The following KCNH1 variants were observed in gnomAD, a reference collection of about 807,000 sequenced individuals.
KCNH1 encodes the protein voltage-gated delayed rectifier potassium channel KCNH1.
In KCNH1, 27 loss-of-function variants were observed where a neutral mutation model predicts 69.2. The ratio of observed to expected loss-of-function variants is 0.39; its 90% CI spans 0.29 to 0.54. KCNH1 has a LOEUF of 0.54. Among genes scored for constraint, KCNH1 ranks in the 20% least tolerant of loss-of-function variants. The pLI is 0.68. For synonymous variants in KCNH1, 456 were observed against 487.7 expected, an observed-to-expected ratio of 0.93 and a Z score of 0.86; for missense variants, 798 against 1,261.6, an observed-to-expected ratio of 0.63 and a Z score of 5.57.
At chr1:211,126,379 G>A (rs1299121903) in intron 1 of KCNH1, among the ~76,000 whole-genome samples, 2 of 151,994 alleles carry the variant, frequency 1.3e-5, no homozygotes, top group African/African-American at 2.4e-5. Flanking sequence ...GCATGGTGGC[G>A]GGCTCCTGTA....
At chr1:210,998,887 A>T (rs762889904) in intron 6 of KCNH1, among the ~76,000 whole-genome samples, 1 of 152,214 alleles carries the variant, frequency 6.6e-6, no homozygotes, top group African/African-American at 2.4e-5. Flanking sequence ...CTACATGGAA[A>T]CTGAACAACC....
chr1:210,888,776 G>C (rs570778209), intron 7 of KCNH1, among the ~76,000 whole-genome samples: 1 of 152,056 alleles, frequency 6.6e-6, no homozygotes, highest in Non-Finnish European at 1.5e-5. Context: ...TACTATAAAC[G>C]CCTCTATGCG....
intron 7 of KCNH1, chr1:210,860,169 G>C (rs1233804524): frequency 1.1e-4 from 134 of 1,167,418 alleles, no homozygotes; most frequent in Non-Finnish European, 1.5e-4. Flanking sequence ...GAAGTGTCTT[G>C]GTATCAACTG....
chr1:210,920,967 T>C (rs1461835635), intron 6 of KCNH1, among the ~76,000 whole-genome samples: 1 of 152,168 alleles, frequency 6.6e-6, no homozygotes, highest in African/African-American at 2.4e-5. Flanking sequence ...ATAGTAGTTA[T>C]CTAGGGAACA....
chr1:211,038,302 T>C (rs986483870), intron 5 of KCNH1, among the ~76,000 whole-genome samples: 10 of 152,160 alleles, frequency 6.6e-5, no homozygotes, highest in African/African-American at 2.4e-4. Context: ...CCTGCCACCA[T>C]GATTCTGAGG....
intron 7 of KCNH1, among the ~76,000 whole-genome samples, chr1:210,836,292 A>G (rs1291519755): frequency 2.6e-5 from 4 of 152,152 alleles, no homozygotes; most frequent in Non-Finnish European, 5.9e-5. Context: ...TATAGGTAAT[A>G]GAACTGGAAA....
intron 7 of KCNH1, among the ~76,000 whole-genome samples, chr1:210,836,949 A>T (rs1685295229): frequency 6.6e-6 from 1 of 152,128 alleles, no homozygotes; most frequent in Admixed American, 6.6e-5. Context: ...TACTTCATCT[A>T]TTCTAGCCCA....
chr1:210,831,040 A>G (rs948285668), intron 7 of KCNH1, among the ~76,000 whole-genome samples: 1 of 152,206 alleles, frequency 6.6e-6, no homozygotes, highest in African/African-American at 2.4e-5. Context: ...AGCTTTAAAA[A>G]TACCTACTGA....
intron 6 of KCNH1, among the ~76,000 whole-genome samples, chr1:210,982,069 T>C (rs1688720623): frequency 6.6e-6 from 1 of 152,080 alleles, no homozygotes; most frequent in African/African-American, 2.4e-5. Context: ...CTGGGGGTCA[T>C]GAAATCTAAT....
At position 210,806,333 on chromosome 1, in the gene KCNH1, C is replaced by T. The variant is rs554375078; in HGVS notation, c.1463-2167G>A. On this transcript the variant is annotated intron_variant, in intron 7 of 10. Transcript: ENST00000271751. ...CAGCTAATGATGTTAAGCTTCTTTT[C>T]ATGTGCTTATTGGTCATTTATATAT... Among the ~76,000 whole-genome samples the T allele has an allele frequency of 8.5e-5, 13 of 152,196 alleles. No individual in the cohort carries two copies. In the South Asian group the frequency reaches 2.5e-3, roughly 29 times the overall value.
chr1:210,774,167 C>T (rs575765367), intron 10 of KCNH1, among the ~76,000 whole-genome samples: 3 of 152,174 alleles, frequency 2.0e-5, no homozygotes, highest in East Asian at 3.9e-4. Flanking sequence ...AGATATTATC[C>T]CTTAGTCAGG....
At chr1:210,728,912 C>T (rs2149030327) in intron 10 of KCNH1, among the ~76,000 whole-genome samples, 1 of 152,338 alleles carries the variant, frequency 6.6e-6, no homozygotes, top group South Asian at 2.1e-4. Flanking sequence ...AAAGGGCCCT[C>T]ATTAGTAGGG....
intron 7 of KCNH1, among the ~76,000 whole-genome samples, chr1:210,878,669 A>T (rs1476920170): frequency 6.6e-6 from 1 of 152,106 alleles, no homozygotes; most frequent in Non-Finnish European, 1.5e-5. Flanking sequence ...TTCAGTACCT[A>T]TATTAGAAAA....
intron 7 of KCNH1, among the ~76,000 whole-genome samples, chr1:210,896,588 C>A (rs543790739): frequency 6.6e-6 from 1 of 152,278 alleles, no homozygotes; most frequent in South Asian, 2.1e-4. Flanking sequence ...TCAGCTAAAT[C>A]CCTGAAGAAG....
chr1:210,934,475 C>T (rs954457477), intron 6 of KCNH1, among the ~76,000 whole-genome samples: 2 of 152,038 alleles, frequency 1.3e-5, no homozygotes, highest in Admixed American at 6.6e-5. Flanking sequence ...CAATATGATA[C>T]CAAAAATACA....
intron 10 of KCNH1, among the ~76,000 whole-genome samples, chr1:210,743,502 G>T (rs1683083959): frequency 6.6e-6 from 1 of 152,146 alleles, no homozygotes; most frequent in African/African-American, 2.4e-5. Flanking sequence ...AGGGGTCCTG[G>T]TTACAGCCTG....
At chr1:210,946,428 T>C (rs1188541274) in intron 6 of KCNH1, among the ~76,000 whole-genome samples, 1 of 152,154 alleles carries the variant, frequency 6.6e-6, no homozygotes, top group Non-Finnish European at 1.5e-5. Flanking sequence ...CCATTTGCTT[T>C]ACTCTGCAAC....
chr1:211,020,327 A>G (rs1166818652), intron 5 of KCNH1, among the ~76,000 whole-genome samples: 1 of 152,028 alleles, frequency 6.6e-6, no homozygotes, highest in Non-Finnish European at 1.5e-5. Flanking sequence ...ACAAATACAA[A>G]GGATCATTAG....
rs541106194 is a variant in KCNH1, at chr1:211,010,693, C to T, written c.1032+8090G>A. Reference sequence around the variant, plus strand: ...TGTAGGCTGTAACACCTTGAACTGACCCCTAGAATGCCCCTCACATTCTCT... The same window carrying T: ...TGTAGGCTGTAACACCTTGAACTGATCCCTAGAATGCCCCTCACATTCTCT... On this transcript the variant is annotated intron_variant, in intron 6 of 10. Coordinates refer to ENST00000271751, the MANE Select transcript of KCNH1 (RefSeq NM_172362.3). Among the ~76,000 whole-genome samples, 3 of 152,284 alleles carry T rather than the reference C, an allele frequency of 2.0e-5. No homozygotes were observed. In the East Asian group the frequency reaches 5.8e-4, roughly 29 times the overall value.
Sources: gnomAD v4.1 joint callset for allele counts (sites outside exome capture counted in the v4.1 genomes callset) on GRCh38, gnomAD v4.1.1 for gene constraint, MANE v1.5 for transcripts, NCBI Gene and HGNC (gene_info 2026-07-23, HGNC 2026-07-21) for gene names.